Variants in BECN1 observed in about 807,000 individuals in gnomAD.
BECN1 encodes beclin 1.
Under a neutral mutation model 60.1 loss-of-function variants are expected in BECN1, and 15 were observed. The observed-to-expected ratio is 0.25, with a 90% CI of 0.17 to 0.38. The LOEUF (loss-of-function observed/expected upper bound fraction) is 0.38, where lower values mean the gene tolerates loss of function less well. Among genes scored for constraint, BECN1 ranks in the 10% least tolerant of loss-of-function variants. The pLI is 1.00. For synonymous variants in BECN1, 179 were observed against 201.8 expected, an observed-to-expected ratio of 0.89 and a Z score of 0.96; for missense variants, 424 against 548.2, an observed-to-expected ratio of 0.77 and a Z score of 2.26.
At position 42,823,971 on chromosome 17, in the gene BECN1, G is replaced by A. The variant is rs1169695092; in HGVS notation, c.-2-92C>T. 2.7e-6 allele frequency: 4 copies of A among 1,485,854 alleles called. No homozygotes were observed. The African/African-American group carries it at 5.6e-5, about 21-fold the overall frequency. 92.0% of individuals were successfully genotyped at this position (1,485,854 alleles called of 1,614,324 possible). On this transcript the variant is annotated intron_variant, in intron 1 of 11. Transcript: ENST00000590099. Reference sequence around the variant, plus strand: ...CACATGCCTTGGTGACGATGGTAAAGGGAGGGAAGTCCCAACCTGCGCCGT... The same window carrying A: ...CACATGCCTTGGTGACGATGGTAAAAGGAGGGAAGTCCCAACCTGCGCCGT...
rs1388868022 is a variant in BECN1 at position 42,810,751 on chromosome 17, G to A, written c.*9C>T. ...GCCTTTAAGGCAAACCTCCCCCTAAGGAAAAAAGTCATTTGTTATAAAATT... is the reference window on the plus strand; with the variant it reads ...GCCTTTAAGGCAAACCTCCCCCTAAAGAAAAAAGTCATTTGTTATAAAATT... On this transcript the variant is annotated 3_prime_UTR_variant, in exon 12 of 12. Transcript: ENST00000590099. 1 of 1,591,452 alleles carries A rather than the reference G, an allele frequency of 6.3e-7. No homozygotes were observed. Among genetic ancestry groups the A allele is most frequent in the Non-Finnish European group, 8.5e-7 (1 of 1,170,442 alleles).
chr17:42,816,176 T>C, intron 7 of BECN1, 122 bp from the exon 8 acceptor site: 1 of 1,068,958 alleles, frequency 9.4e-7, no homozygotes, highest in Non-Finnish European at 1.3e-6. Flanking sequence ...TCTTTTATAT[T>C]TGGCATAGAT....
In BECN1 at chr17:42,811,771, C is replaced by G; in HGVS notation, c.1068G>C (p.Gly356=). ...SKELPLYCSG[G]LRFFWDNKFD... is the part of the protein sequence containing the mutation. Reference sequence around the variant, plus strand: ...ACTTGTTGTCCCAGAAAAACCGCAACCCCCCAGAACAGTATAACGGCAGCT... The same window carrying G: ...ACTTGTTGTCCCAGAAAAACCGCAAGCCCCCAGAACAGTATAACGGCAGCT... The change falls in exon 11 of 12, where the codon GGG becomes GGC. Residue 356 remains glycine (G), a synonymous_variant. Coordinates refer to ENST00000590099, the MANE Select transcript of BECN1 (RefSeq NM_001313998.2). 2 of 1,614,088 alleles carry G rather than the reference C, an allele frequency of 1.2e-6. No individual in the cohort carries two copies. Among genetic ancestry groups the G allele is most frequent in the South Asian group, 2.2e-5 (2 of 91,066 alleles).
chr17:42,814,190 A>G (rs2055097294), intron 9 of BECN1, 182 bp from the exon 10 acceptor site: 1 of 551,460 alleles, frequency 1.8e-6, no homozygotes, highest in Non-Finnish European at 3.2e-6. Flanking sequence ...AACAAACTAC[A>G]TTTATTATAT....
intron 3 of BECN1, among the ~76,000 whole-genome samples, chr17:42,819,990 G>T (rs1487007427): frequency 6.6e-6 from 1 of 152,212 alleles, no homozygotes; most frequent in African/African-American, 2.4e-5. Context: ...GTACAAAGTA[G>T]AAAATTTATA....
At chr17:42,815,453 C>T (rs1392173080) in intron 8 of BECN1, among the ~76,000 whole-genome samples, 2 of 152,268 alleles carry the variant, frequency 1.3e-5, no homozygotes, top group Middle Eastern at 6.8e-3. Context: ...TCCCACAGCA[C>T]CCTGGGTTTA....
intron 10 of BECN1, chr17:42,812,493 C>T (rs1402033398): frequency 1.3e-5 from 2 of 151,892 alleles, no homozygotes; most frequent in Non-Finnish European, 2.9e-5. Context: ...GCGGGTGGAT[C>T]ATGAGGTCAG....
chr17:42,816,128 C>T lies in BECN1; in HGVS notation c.684-74G>A, dbSNP rs529848122. The T allele has an allele frequency of 1.7e-4, 238 of 1,433,064 alleles. 2 individuals are homozygous for T. The South Asian group carries it at 3.0e-3, about 18-fold the overall frequency. The allele number at this position is 1,433,064 out of a possible 1,614,324, so 88.8% of individuals were successfully genotyped here. ...AGTTTCTCTCTCACCACACTATGAACGATTCTTTAGTGATCATCGTTACAT... is the reference window on the plus strand; with the variant it reads ...AGTTTCTCTCTCACCACACTATGAATGATTCTTTAGTGATCATCGTTACAT... On this transcript the variant is annotated intron_variant, in intron 7 of 11. Coordinates refer to ENST00000590099, the MANE Select transcript of BECN1 (RefSeq NM_001313998.2).
intron 7 of BECN1, 147 bp downstream of exon 7, chr17:42,818,074 G>A: frequency 1.3e-6 from 1 of 785,744 alleles, no homozygotes; most frequent in Non-Finnish European, 2.0e-6. Flanking sequence ...TAGAAAAAGG[G>A]CATGGAAGCA....
intron 10 of BECN1, among the ~76,000 whole-genome samples, chr17:42,813,118 A>C (rs1403237597): frequency 6.6e-6 from 1 of 150,998 alleles, no homozygotes; most frequent in Non-Finnish European, 1.5e-5. Flanking sequence ...TGCTGGGATT[A>C]CAGGCGTGAG....
intron 6 of BECN1, 48 bp from the exon 7 acceptor site, chr17:42,818,463 G>T: frequency 2.5e-6 from 4 of 1,612,066 alleles, no homozygotes; most frequent in Non-Finnish European, 3.4e-6. Context: ...CCATTTGCCT[G>T]AGTGGAGTAC....
At chr17:42,821,314 C>G (rs773738721) in intron 2 of BECN1, among the ~76,000 whole-genome samples, 1 of 152,176 alleles carries the variant, frequency 6.6e-6, no homozygotes, top group Admixed American at 6.5e-5. Context: ...CTCAGCTACC[C>G]AAAGTGCTGG....
At chr17:42,823,633 C>T in intron 2 of BECN1, 115 bp downstream of exon 2, 1 of 1,397,560 alleles carries the variant, frequency 7.2e-7, no homozygotes, top group South Asian at 1.4e-5. Context: ...AAGTGACTTT[C>T]CTAGGTTCAC....
intron 3 of BECN1, among the ~76,000 whole-genome samples, chr17:42,820,176 A>T (rs2055232791): frequency 6.6e-6 from 1 of 151,796 alleles, no homozygotes; most frequent in Non-Finnish European, 1.5e-5. Flanking sequence ...TGACATCAGC[A>T]CTCCCCCAGT....
chr17:42,821,031 T>A (rs1338398390), intron 2 of BECN1, among the ~76,000 whole-genome samples, 190 bp from the exon 3 acceptor site: 1 of 152,180 alleles, frequency 6.6e-6, no homozygotes. Flanking sequence ...AAATGTTCAA[T>A]TTTTTAAGGC....
Position 42,823,806 on chromosome 17 carries a change from G to A in BECN1, c.72C>T (p.Pro24=). The A allele has an allele frequency of 3.1e-6, 5 of 1,614,168 alleles. No homozygotes were observed. In the South Asian group the frequency reaches 3.3e-5, roughly 11 times the overall value. ...TCTTGAAACTCGTGTCCAGTTTCAG[G>A]GGCTGGCTGCAGCGCTGGCACACGA... ...VSFVCQRCSQ[P]LKLDTSFKIL... Residue 24 remains proline, a synonymous_variant, in exon 2 of 12, where the codon CCC becomes CCT. Coordinates refer to ENST00000590099, the MANE Select transcript of BECN1 (RefSeq NM_001313998.2).
At chr17:42,812,950 A>G (rs1012710227) in intron 10 of BECN1, 1 of 135,062 alleles carries the variant, frequency 7.4e-6, no homozygotes, top group Non-Finnish European at 1.5e-5. Context: ...TTCTCCTGCC[A>G]CTGCCTCCCG....
chr17:42,819,673 C>G (rs1377941284), intron 3 of BECN1, 64 bp from the exon 4 acceptor site: 1 of 1,524,084 alleles, frequency 6.6e-7, no homozygotes, highest in Non-Finnish European at 9.0e-7. Context: ...ATCTCCCAAA[C>G]AGCCTCAGAA....
chr17:42,818,979 G>T, intron 4 of BECN1, 102 bp from the exon 5 acceptor site: 1 of 1,337,118 alleles, frequency 7.5e-7, no homozygotes. Context: ...CAGCTGAGGG[G>T]CCTCAAGGAA....
Sources: allele counts gnomAD v4.1 joint callset (sites outside exome capture counted in the v4.1 genomes callset), GRCh38; gene constraint gnomAD v4.1.1; transcripts MANE v1.5; gene names NCBI Gene and HGNC (gene_info 2026-07-23, HGNC 2026-07-21).